CLINT1: variants seen among roughly 807,000 people sequenced by gnomAD.
CLINT1 encodes clathrin interactor 1, also known as clathrin interacting protein localized in the trans-Golgi region.
In CLINT1, 15 loss-of-function variants were observed where a neutral mutation model predicts 70.4. That is an observed-to-expected ratio of 0.21 (90% CI 0.14 to 0.33). The LOEUF is 0.33. Among genes scored for constraint, CLINT1 ranks in the 10% least tolerant of loss-of-function variants. The pLI is 1.00. For synonymous variants in CLINT1, 227 were observed against 254.7 expected, an observed-to-expected ratio of 0.89 and a Z score of 1.04; for missense variants, 615 against 778.1, an observed-to-expected ratio of 0.79 and a Z score of 2.49.
In CLINT1 at chr5:157,789,376, C is replaced by G. The variant is rs375467930; in HGVS notation, c.1518G>C (p.Met506Ile). The change falls in exon 11 of 12, where the codon ATG (methionine) becomes ATC (isoleucine). Residue 506 changes from methionine to isoleucine, a missense_variant. Met to Ile is a conservative substitution (Grantham distance 10). Coordinates refer to ENST00000411809, the MANE Select transcript of CLINT1 (RefSeq NM_014666.4). ...SKPQQPSLNTMIQQQNMQQPM... is the reference protein window; with the variant it reads ...SKPQQPSLNTIIQQQNMQQPM... Reference sequence around the variant, plus strand: ...AAGGTAACTTACTCTGTTGCTGAATCATTGTATTCAGTGATGGCTGCTGGG... The same window carrying G: ...AAGGTAACTTACTCTGTTGCTGAATGATTGTATTCAGTGATGGCTGCTGGG... 20 of 1,613,854 alleles carry G rather than the reference C, an allele frequency of 1.2e-5. No individual in the cohort carries two copies. Among genetic ancestry groups the G allele is most frequent in the Non-Finnish European group, 1.5e-5 (18 of 1,179,786 alleles).
At chr5:157,807,781 A>G (rs1022112131) in intron 6 of CLINT1, among the ~76,000 whole-genome samples, 5 of 152,120 alleles carry the variant, frequency 3.3e-5, no homozygotes, top group Non-Finnish European at 7.4e-5. Flanking sequence ...GAGACAAAGA[A>G]AAGAAAAACT....
chr5:157,837,527 T>C (rs1349239598), intron 1 of CLINT1, among the ~76,000 whole-genome samples: 3 of 152,182 alleles, frequency 2.0e-5, no homozygotes, highest in Non-Finnish European at 4.4e-5. Flanking sequence ...AAAAGAAATG[T>C]CAATTATGTG....
chr5:157,797,170 T>C (rs146388243), intron 8 of CLINT1, among the ~76,000 whole-genome samples: 196 of 152,320 alleles, frequency 1.3e-3, no homozygotes, highest in African/African-American at 4.5e-3. Flanking sequence ...CAGCTGCTGC[T>C]TAATATTCGT....
intron 1 of CLINT1, among the ~76,000 whole-genome samples, chr5:157,822,547 T>C (rs1321553854): frequency 6.6e-6 from 1 of 152,234 alleles, no homozygotes; most frequent in Non-Finnish European, 1.5e-5. Context: ...TAACACATGC[T>C]TCTAGAGCTA....
chr5:157,791,938 G>A lies in CLINT1; in HGVS notation c.1145C>T (p.Pro382Leu). The A allele has an allele frequency of 6.2e-7, 1 of 1,613,986 alleles. No individual in the cohort carries two copies. The highest frequency in any genetic ancestry group is 1.3e-5 in the African/African-American group (1 of 75,042). The change falls in exon 10 of 12, where the codon CCA (proline) becomes CTA (leucine). Residue 382 changes from proline (P) to leucine (L), a missense_variant. Pro to Leu is a moderately conservative substitution (Grantham distance 98). Transcript: ENST00000411809. ...GCCACTGGAAGCAACAGGGCCTGAT[G>A]GGGCTTGGTTGAAGGCACTCCAGTC... ...FGDWSAFNQA[P>L]SGPVASSGEF...
In CLINT1 at chr5:157,813,240, TA is replaced by T; in HGVS notation, c.353-14del. ...TTACCATGCTCATCTATGAGGATGG[TA>T]AGAGATAAGCAAAACCTAAGAATTC... On this transcript the variant is annotated splice_polypyrimidine_tract_variant and intron_variant, in intron 4 of 11. Transcript: ENST00000411809. 5 of 1,606,694 alleles carry T rather than the reference TA, an allele frequency of 3.1e-6. No homozygotes were observed. Among genetic ancestry groups the T allele is most frequent in the Non-Finnish European group, 4.2e-6 (5 of 1,177,598 alleles).
chr5:157,811,693 A>G (rs1762564952), intron 5 of CLINT1, among the ~76,000 whole-genome samples: 1 of 152,212 alleles, frequency 6.6e-6, no homozygotes, highest in South Asian at 2.1e-4. Flanking sequence ...CAGTTAGTGC[A>G]TTGTGACTGA....
chr5:157,844,454 C>T (rs1581539962), intron 1 of CLINT1, among the ~76,000 whole-genome samples: 3 of 152,164 alleles, frequency 2.0e-5, no homozygotes, highest in Admixed American at 2.0e-4. Flanking sequence ...AGATCTGTCA[C>T]ATGTCTTATA....
chr5:157,805,406 T>G (rs1762355269), intron 7 of CLINT1, among the ~76,000 whole-genome samples: 1 of 152,244 alleles, frequency 6.6e-6, no homozygotes, highest in Non-Finnish European at 1.5e-5. Context: ...CTTTTGATAC[T>G]GATCAGTAAT....
At chr5:157,805,110 A>G (rs774033827) in intron 7 of CLINT1, among the ~76,000 whole-genome samples, 17 of 152,196 alleles carry the variant, frequency 1.1e-4, no homozygotes, top group Non-Finnish European at 2.2e-4. Context: ...GGTATTTGTT[A>G]TTGCAACTAA....
rs34428070 is a variant in CLINT1, at chr5:157,787,512, C to CTTTTTTT, written c.*133_*134insAAAAAAA. On this transcript the variant is annotated 3_prime_UTR_variant, in exon 12 of 12. Coordinates refer to ENST00000411809, the MANE Select transcript of CLINT1 (RefSeq NM_014666.4). The stretch of plus-strand genomic sequence containing the variant: ...GGATATTTCACTTTTATAAAACAGC[C>CTTTTTTT]TTTTTGGTTCTTTATGTAGATTTAT... 1.1e-5 allele frequency: 9 copies of CTTTTTTT among 798,442 alleles called. No individual in the cohort carries two copies. Among genetic ancestry groups the CTTTTTTT allele is most frequent in the Non-Finnish European group, 1.4e-5 (7 of 501,764 alleles). 49.5% of individuals were successfully genotyped at this position (798,442 alleles called of 1,614,324 possible).
chr5:157,818,466 C>CCAAAA (rs1561653763), intron 1 of CLINT1, among the ~76,000 whole-genome samples: 6 of 100,294 alleles, frequency 6.0e-5, no homozygotes, highest in African/African-American at 1.2e-4. Flanking sequence ...GACCTGGTCT[C>CCAAAA]TAAAAAAAAA....
chr5:157,827,211 C>T (rs1763066281), intron 1 of CLINT1, among the ~76,000 whole-genome samples: 1 of 151,852 alleles, frequency 6.6e-6, no homozygotes, highest in Non-Finnish European at 1.5e-5. Context: ...TTACCTAATA[C>T]GAATAATCAC....
rs138916821 is a variant in CLINT1, at chr5:157,791,582, CAT to C, written c.1380+119_1380+120del. On this transcript the variant is annotated intron_variant, in intron 10 of 11. Transcript: ENST00000411809. ...ATGCGTATATATACACACACAGACA[CAT>C]ATTCATACACATAAAAAGGACTTGC... 2,848 of 851,754 alleles carry C rather than the reference CAT, an allele frequency of 3.3e-3. 62 individuals are homozygous for C. The African/African-American group carries it at 0.043, about 13-fold the overall frequency. The allele number at this position is 851,754 out of a possible 1,614,324, so 52.8% of individuals were successfully genotyped here. A position where few individuals can be genotyped will look rare whatever the true frequency, so the allele number is the denominator to read the frequency against.
intron 1 of CLINT1, among the ~76,000 whole-genome samples, chr5:157,821,076 T>C (rs1232297095): frequency 6.6e-6 from 1 of 152,198 alleles, no homozygotes; most frequent in Non-Finnish European, 1.5e-5. Flanking sequence ...TGTTGTTTTT[T>C]TTAAAGTACC....
intron 1 of CLINT1, among the ~76,000 whole-genome samples, chr5:157,836,483 C>A (rs1349975956): frequency 6.6e-6 from 1 of 152,212 alleles, no homozygotes; most frequent in East Asian, 1.9e-4. Flanking sequence ...AATCCACTAT[C>A]CAACTCAGCA....
At chr5:157,853,229 C>T (rs1291494842) in intron 1 of CLINT1, among the ~76,000 whole-genome samples, 1 of 151,580 alleles carries the variant, frequency 6.6e-6, no homozygotes, top group Non-Finnish European at 1.5e-5. Flanking sequence ...ATCCCAGCTA[C>T]TTGGGTGGCT....
At chr5:157,810,657 A>G (rs1330129862) in intron 5 of CLINT1, among the ~76,000 whole-genome samples, 1 of 152,232 alleles carries the variant, frequency 6.6e-6, no homozygotes, top group Non-Finnish European at 1.5e-5. Flanking sequence ...ACAAAATGAA[A>G]CCCTTCCATT....
chr5:157,804,331 T>G (rs1357432828), intron 7 of CLINT1, among the ~76,000 whole-genome samples: 1 of 152,212 alleles, frequency 6.6e-6, no homozygotes, highest in South Asian at 2.1e-4. Flanking sequence ...CCAACTAAAC[T>G]GAGGCCTATA....
Sources: gnomAD v4.1 joint callset for allele counts (sites outside exome capture counted in the v4.1 genomes callset) on GRCh38, gnomAD v4.1.1 for gene constraint, MANE v1.5 for transcripts, NCBI Gene and HGNC (gene_info 2026-07-23, HGNC 2026-07-21) for gene names.